The following LIMCH1 variants were observed in gnomAD, a reference collection of about 807,000 sequenced individuals.
LIMCH1 encodes the protein LIM and calponin homology domains 1.
LIMCH1 carries 113 observed loss-of-function variants against 176.5 expected under a neutral mutation model. The ratio of observed to expected loss-of-function variants is 0.64; its 90% CI spans 0.55 to 0.75. LIMCH1 has a LOEUF of 0.75. LIMCH1 is among the 30% of genes least tolerant of loss of function. The pLI, the probability that LIMCH1 is intolerant of heterozygous loss-of-function variation, is 0.00. For missense variants in LIMCH1, 1,674 were observed against 1,814.9 expected, an observed-to-expected ratio of 0.92 and a Z score of 1.41; for synonymous variants, 619 against 645.9, an observed-to-expected ratio of 0.96 and a Z score of 0.63.
At chr4:41,613,159 C>T (rs2091656672) in intron 4 of LIMCH1, 1 of 1,334,180 alleles carries the variant, frequency 7.5e-7, no homozygotes, top group Non-Finnish European at 1.1e-6. Flanking sequence ...TGAATCCAAA[C>T]TTTGTGATCC....
chr4:41,487,843 G>A (rs867141758), intron 1 of LIMCH1, among the ~76,000 whole-genome samples: 4 of 150,906 alleles, frequency 2.7e-5, no homozygotes, highest in Admixed American at 2.0e-4. Context: ...TAGTAGAGAC[G>A]GGGTTTCACC....
intron 1 of LIMCH1, among the ~76,000 whole-genome samples, chr4:41,460,299 C>T (rs1467113755): frequency 6.6e-6 from 1 of 151,758 alleles, no homozygotes; most frequent in Non-Finnish European, 1.5e-5. Context: ...TAGTGGCTAC[C>T]ATATTGCATA....
At chr4:41,436,775 A>G (rs997692249) in intron 1 of LIMCH1, among the ~76,000 whole-genome samples, 3 of 151,902 alleles carry the variant, frequency 2.0e-5, no homozygotes, top group African/African-American at 4.8e-5. Flanking sequence ...GCGTCTGGGT[A>G]TATATTGGAA....
At chr4:41,553,835 C>T (rs1162497664) in intron 1 of LIMCH1, among the ~76,000 whole-genome samples, 1 of 152,082 alleles carries the variant, frequency 6.6e-6, no homozygotes, top group Non-Finnish European at 1.5e-5. Flanking sequence ...TTTGGTTTAC[C>T]TACTATGTAT....
At chr4:41,467,137 A>G (rs1245096744) in intron 1 of LIMCH1, among the ~76,000 whole-genome samples, 1 of 134,204 alleles carries the variant, frequency 7.5e-6, no homozygotes, top group Non-Finnish European at 1.5e-5. Context: ...ATATTCCCAT[A>G]TATATATGTG....
chr4:41,609,775 C>A, intron 4 of LIMCH1: 1 of 390,440 alleles, frequency 2.6e-6, no homozygotes, highest in Non-Finnish European at 5.1e-6. Context: ...AGATGAAAAG[C>A]AGAGACAATG....
At chr4:41,576,354 T>C (rs755330274) in intron 1 of LIMCH1, among the ~76,000 whole-genome samples, 2 of 152,190 alleles carry the variant, frequency 1.3e-5, no homozygotes, top group African/African-American at 2.4e-5. Flanking sequence ...TCAGAAAAAA[T>C]GAAAATGGTG....
chr4:41,538,467 T>G, intron 1 of LIMCH1, 117 bp downstream of exon 1: 13 of 426,032 alleles, frequency 3.1e-5, no homozygotes, highest in Non-Finnish European at 4.1e-5. Flanking sequence ...ATTCACTTAT[T>G]AGTATGGCGA....
intron 1 of LIMCH1, among the ~76,000 whole-genome samples, chr4:41,565,398 G>C (rs192932746): frequency 0.032 from 4,252 of 131,086 alleles, 219 homozygotes; most frequent in African/African-American, 0.1. Flanking sequence ...CACACACACA[G>C]ACACACACAC....
intron 1 of LIMCH1, among the ~76,000 whole-genome samples, chr4:41,458,959 A>G (rs1185560444): frequency 6.6e-6 from 1 of 152,040 alleles, no homozygotes; most frequent in African/African-American, 2.4e-5. Context: ...TTGCTGTTCA[A>G]CCTGCTGAAG....
intron 2 of LIMCH1, among the ~76,000 whole-genome samples, chr4:41,510,158 C>T (rs1437586021): frequency 2.0e-5 from 3 of 152,134 alleles, no homozygotes; most frequent in Non-Finnish European, 2.9e-5. Flanking sequence ...TGTGGCAATT[C>T]CCTCATCCTA....
intron 1 of LIMCH1, among the ~76,000 whole-genome samples, chr4:41,420,827 G>A (rs1046842442): frequency 2.6e-5 from 4 of 152,240 alleles, no homozygotes; most frequent in African/African-American, 7.2e-5. Flanking sequence ...AGAGCTTGAT[G>A]ATAGAGATTC....
At position 41,491,168 on chromosome 4, in the gene LIMCH1, G is replaced by A. The variant is rs372749312; in HGVS notation, c.97-3368G>A. 4.4e-3 allele frequency among the ~76,000 whole-genome samples: 602 copies of A among 135,930 alleles called. 1 individual carries two copies. Among genetic ancestry groups the A allele is most frequent in the African/African-American group, 9.4e-3 (340 of 36,062 alleles). 89.2% of individuals were successfully genotyped at this position (135,930 alleles called of 152,430 possible). On this transcript the variant is annotated intron_variant, in intron 1 of 26. Transcript: ENST00000313860. ...TCCCCACCTCCCAGACGGGGCGGCCGGGCAGAGGTGCTCCCCACATCCCAG... is the reference window on the plus strand; with the variant it reads ...TCCCCACCTCCCAGACGGGGCGGCCAGGCAGAGGTGCTCCCCACATCCCAG...
intron 1 of LIMCH1, among the ~76,000 whole-genome samples, chr4:41,439,727 A>G (rs528852192): frequency 6.6e-6 from 1 of 152,300 alleles, no homozygotes; most frequent in Non-Finnish European, 1.5e-5. Flanking sequence ...ACATGGTGAA[A>G]CCCAGTCTCT....
In LIMCH1 at chr4:41,648,674, T is replaced by TGTGTGTGC. The variant is rs549523055; in HGVS notation, c.2821-1712_2821-1711insCGTGTGTG. ...AGGGGTAGGGGTGTGTGTGTGTGTG[T>TGTGTGTGC]GTGTGTGTGTGTGTGTGTGTGTGTG... is the stretch of plus-strand genomic sequence containing the variant. On this transcript the variant is annotated intron_variant, in intron 17 of 31. Transcript: ENST00000503057. Among the ~76,000 whole-genome samples the TGTGTGTGC allele has an allele frequency of 1.8e-3, 268 of 150,122 alleles. 1 individual carries two copies. The highest frequency in any genetic ancestry group is 6.2e-3 in the African/African-American group (255 of 40,834).
At chr4:41,683,352 C>T (rs1270828711) in intron 26 of LIMCH1, among the ~76,000 whole-genome samples, 1 of 152,176 alleles carries the variant, frequency 6.6e-6, no homozygotes, top group East Asian at 1.9e-4. Flanking sequence ...CTGGAGCAGA[C>T]TCTGGTTGTG....
chr4:41,447,568 G>T (rs146134007), intron 1 of LIMCH1, among the ~76,000 whole-genome samples: 8 of 152,140 alleles, frequency 5.3e-5, no homozygotes, highest in Admixed American at 1.3e-4. Flanking sequence ...TCTGTTTTTC[G>T]TAATACAGAA....
chr4:41,420,570 G>A (rs1024952154), intron 1 of LIMCH1, among the ~76,000 whole-genome samples: 3 of 152,210 alleles, frequency 2.0e-5, no homozygotes, highest in Admixed American at 2.0e-4. Context: ...TGATGGATGA[G>A]TTGGACATAG....
At chr4:41,524,317 T>C in intron 2 of LIMCH1, 1 of 933,026 alleles carries the variant, frequency 1.1e-6, no homozygotes, top group Non-Finnish European at 1.8e-6. Flanking sequence ...GCTTTTCCTA[T>C]CCAGCAATTT....
Sources: allele counts gnomAD v4.1 joint callset (sites outside exome capture counted in the v4.1 genomes callset), GRCh38; gene constraint gnomAD v4.1.1; transcripts MANE v1.5; gene names NCBI Gene and HGNC (gene_info 2026-07-23, HGNC 2026-07-21).